Variants in PRRG1 observed in about 807,000 individuals in gnomAD.
The protein encoded by PRRG1 is proline rich and Gla domain 1, also known as transmembrane gamma-carboxyglutamic acid protein 1.
Under a neutral mutation model 11.8 loss-of-function variants are expected in PRRG1, and 5 were observed. The observed-to-expected ratio is 0.42, with a 90% CI of 0.22 to 0.89. PRRG1 has a LOEUF of 0.89. Among genes scored for constraint, PRRG1 ranks in the 40% least tolerant of loss-of-function variants. The pLI, the probability that PRRG1 is intolerant of heterozygous loss-of-function variation, is 0.28. For missense variants in PRRG1, 155 were observed against 166.1 expected (o/e 0.93, Z 0.37); for synonymous variants, 66 against 60.4 (o/e 1.09, Z -0.43).
chrX:37,379,149 C>T (rs1931076765), intron 1 of PRRG1, among the ~76,000 whole-genome samples: 1 of 99,108 alleles, frequency 1.0e-5, no homozygotes, highest in Non-Finnish European at 2.0e-5. Flanking sequence ...TTAAGACTCT[C>T]AAGTGTCACC....
At chrX:37,367,038 C>T (rs576209593) in intron 1 of PRRG1, among the ~76,000 whole-genome samples, 71 of 111,469 alleles carry the variant, frequency 6.4e-4, no homozygotes, top group African/African-American at 2.2e-3. Flanking sequence ...TTGCCTCCTG[C>T]TCGTCAATCC....
At chrX:37,355,341 G>T (rs1930204328) in intron 1 of PRRG1, among the ~76,000 whole-genome samples, 1 of 111,534 alleles carries the variant, frequency 9.0e-6, no homozygotes, top group African/African-American at 3.3e-5. Flanking sequence ...GGATTTCAGG[G>T]TGTGGGATCT....
chrX:37,410,986 C>T (rs1932334147), intron 2 of PRRG1, among the ~76,000 whole-genome samples: 1 of 111,522 alleles, frequency 9.0e-6, no homozygotes, highest in Non-Finnish European at 1.9e-5. Flanking sequence ...AACATTTTTA[C>T]AAAGAGAATG....
intron 1 of PRRG1, among the ~76,000 whole-genome samples, chrX:37,388,607 C>T (rs1319990344): frequency 8.8e-6 from 1 of 113,227 alleles, no homozygotes; most frequent in Non-Finnish European, 1.9e-5. Flanking sequence ...ACTGCGATGT[C>T]GGGAGCAGTG....
chrX:37,438,621 G>C (rs1932921913), intron 3 of PRRG1, among the ~76,000 whole-genome samples: 1 of 109,780 alleles, frequency 9.1e-6, no homozygotes, highest in Non-Finnish European at 1.9e-5. Flanking sequence ...ATTTTTAGTA[G>C]AGACGAGGTT....
chrX:37,367,013 A>C (rs1336366468), intron 1 of PRRG1, among the ~76,000 whole-genome samples: 2 of 111,504 alleles, frequency 1.8e-5, no homozygotes, highest in African/African-American at 6.5e-5. Context: ...AGAATGGTGC[A>C]CTTTGAATAT....
chrX:37,379,928 C>T (rs1279116106), intron 1 of PRRG1, among the ~76,000 whole-genome samples: 1 of 111,259 alleles, frequency 9.0e-6, no homozygotes, highest in Admixed American at 9.6e-5. Flanking sequence ...ATAATATACA[C>T]ACAGAAAATG....
At chrX:37,435,774 A>G (rs1367815002) in intron 3 of PRRG1, among the ~76,000 whole-genome samples, 5 of 111,602 alleles carry the variant, frequency 4.5e-5, no homozygotes, top group Non-Finnish European at 9.4e-5. Flanking sequence ...ACCAGAGGAA[A>G]CTAGAGACAT....
intron 1 of PRRG1, among the ~76,000 whole-genome samples, chrX:37,349,804 A>G (rs1556364210): frequency 9.0e-6 from 1 of 110,689 alleles, no homozygotes; most frequent in African/African-American, 3.3e-5. Flanking sequence ...CAGAGTTGCT[A>G]GAAACATTCC....
intron 1 of PRRG1, among the ~76,000 whole-genome samples, chrX:37,384,261 C>A (rs1556374569): frequency 9.0e-6 from 1 of 111,596 alleles, no homozygotes; most frequent in African/African-American, 3.3e-5. Context: ...GGTTAAAACT[C>A]ATCCGTGTCC....
chrX:37,355,172 G>A (rs1431822164), intron 1 of PRRG1, among the ~76,000 whole-genome samples: 1 of 111,264 alleles, frequency 9.0e-6, no homozygotes, highest in African/African-American at 3.3e-5. Context: ...TACCACCTCA[G>A]CCTCCCAAAG....
At chrX:37,402,440 C>T (rs1418856420) in intron 1 of PRRG1, among the ~76,000 whole-genome samples, 1 of 111,716 alleles carries the variant, frequency 9.0e-6, no homozygotes, top group Non-Finnish European at 1.9e-5. Flanking sequence ...AAGTAGAAAG[C>T]TGAAACTGGA....
intron 1 of PRRG1, among the ~76,000 whole-genome samples, chrX:37,393,942 C>T (rs1931629370): frequency 8.9e-6 from 1 of 111,810 alleles, no homozygotes; most frequent in African/African-American, 3.3e-5. Context: ...AATTACACAA[C>T]TGTGTTTGTG....
In PRRG1 at chrX:37,395,614, C is replaced by CAA. The variant is rs150257827; in HGVS notation, c.-41-10581_-41-10580dup. On this transcript the variant is annotated intron_variant, in intron 1 of 3. Coordinates refer to ENST00000378628, the MANE Select transcript of PRRG1 (RefSeq NM_001142395.2). The stretch of plus-strand genomic sequence containing the variant: ...CAGGCCACAAAGTGAGACTCCATCT[C>CAA]AAAAAAAAAAAAAAAGATATCAAAA... Among the ~76,000 whole-genome samples the CAA allele has an allele frequency of 4.3e-3, 268 of 62,399 alleles. 3 individuals are homozygous for CAA. The highest frequency in any genetic ancestry group is 0.014 in the African/African-American group (249 of 17,968). 54.2% of individuals were successfully genotyped at this position (62,399 alleles called of 115,157 possible).
chrX:37,432,134 C>T (rs1483165648), intron 3 of PRRG1, among the ~76,000 whole-genome samples: 2 of 106,472 alleles, frequency 1.9e-5, no homozygotes, highest in African/African-American at 7.0e-5. Flanking sequence ...GTCGCCCAGG[C>T]TGGAGTGCAG....
intron 3 of PRRG1, among the ~76,000 whole-genome samples, chrX:37,437,656 T>G (rs2146622621): frequency 8.9e-6 from 1 of 112,120 alleles, no homozygotes; most frequent in Non-Finnish European, 1.9e-5. Context: ...AAATTGGGAT[T>G]TGAGTAGAAC....
At chrX:37,413,400 C>A (rs1272729820) in intron 2 of PRRG1, among the ~76,000 whole-genome samples, 1 of 110,882 alleles carries the variant, frequency 9.0e-6, no homozygotes, top group African/African-American at 3.3e-5. Context: ...GAGAAAGAAG[C>A]CTTCTCAGAT....
intron 1 of PRRG1, among the ~76,000 whole-genome samples, chrX:37,361,401 G>A (rs1217472940): frequency 1.8e-5 from 2 of 111,251 alleles, no homozygotes; most frequent in Non-Finnish European, 3.8e-5. Context: ...GTAATAATTG[G>A]TATAGTTATT....
chrX:37,354,369 T>TTTTTTA (rs1447177201), intron 1 of PRRG1, among the ~76,000 whole-genome samples: 1 of 85,297 alleles, frequency 1.2e-5, no homozygotes, highest in Non-Finnish European at 2.4e-5. Flanking sequence ...TGGTAGTGCT[T>TTTTTTA]TTTTTATTTT....
Sources: gnomAD v4.1 joint callset for allele counts (sites outside exome capture counted in the v4.1 genomes callset) on GRCh38, gnomAD v4.1.1 for gene constraint, MANE v1.5 for transcripts, NCBI Gene and HGNC (gene_info 2026-07-23, HGNC 2026-07-21) for gene names.